The following CADM2 variants were observed in gnomAD, a reference collection of about 807,000 sequenced individuals.
CADM2 encodes the protein immunoglobulin superfamily member 4D.
A neutral mutation model predicts 49.8 loss-of-function variants in CADM2; 12 were observed. The observed-to-expected ratio is 0.24, with a 90% CI of 0.15 to 0.39. The LOEUF is 0.39. Ranked by LOEUF, CADM2 falls within the 10% of genes least tolerant of loss-of-function variation. The pLI is 1.00. For missense variants in CADM2, 378 were observed against 492.3 expected, an observed-to-expected ratio of 0.77 and a Z score of 2.20; for synonymous variants, 214 against 175.4, an observed-to-expected ratio of 1.22 and a Z score of -1.74.
chr3:85,527,848 C>T (rs561022184), intron 1 of CADM2, among the ~76,000 whole-genome samples: 10 of 152,254 alleles, frequency 6.6e-5, no homozygotes, highest in Admixed American at 3.9e-4. Flanking sequence ...ATCATTATAA[C>T]GAGGATTGCA....
At chr3:85,023,190 C>T (rs2034583078) in intron 1 of CADM2, among the ~76,000 whole-genome samples, 1 of 152,030 alleles carries the variant, frequency 6.6e-6, no homozygotes, top group African/African-American at 2.4e-5. Context: ...AAAGATTTTA[C>T]TTATACTTAG....
intron 8 of CADM2, among the ~76,000 whole-genome samples, chr3:85,977,914 G>A (rs1459151821): frequency 6.6e-6 from 1 of 151,470 alleles, no homozygotes; most frequent in Non-Finnish European, 1.5e-5. Context: ...AAATTCAGCG[G>A]GTAGAGTCTA....
chr3:85,199,609 T>C (rs932020863), intron 1 of CADM2, among the ~76,000 whole-genome samples: 2 of 151,906 alleles, frequency 1.3e-5, no homozygotes, highest in African/African-American at 2.4e-5. Context: ...GCAAATTGAA[T>C]TTATAAATCT....
chr3:85,101,306 T>C lies in CADM2; in HGVS notation c.61+141638T>C, dbSNP rs574997434. Among the ~76,000 whole-genome samples, 143 of 152,192 alleles carry C rather than the reference T, an allele frequency of 9.4e-4. 2 individuals are homozygous for C. The highest frequency in any genetic ancestry group is 9.1e-3 in the Admixed American group (139 of 15,276). ...ATCAACTTACTAGTTAAATACTATC[T>C]TATGCTGTTAGCATTCTATTGCCAT... is the stretch of plus-strand genomic sequence containing the variant. On this transcript the variant is annotated intron_variant, in intron 1 of 9. Transcript: ENST00000383699.
chr3:85,015,762 T>C (rs908391899), intron 1 of CADM2, among the ~76,000 whole-genome samples: 17 of 152,170 alleles, frequency 1.1e-4, no homozygotes, highest in South Asian at 8.3e-4. Flanking sequence ...GACACATTTA[T>C]GAATGAAGGC....
At chr3:85,308,356 A>G (rs1197655060) in intron 1 of CADM2, among the ~76,000 whole-genome samples, 2 of 149,658 alleles carry the variant, frequency 1.3e-5, no homozygotes, top group African/African-American at 2.5e-5. Context: ...TCCATGTTAC[A>G]AGCCTATAAA....
chr3:85,499,300 G>A (rs1052810721), intron 1 of CADM2, among the ~76,000 whole-genome samples: 30 of 151,964 alleles, frequency 2.0e-4, no homozygotes, highest in African/African-American at 3.9e-4. Context: ...ACAATGTTTC[G>A]TTTTTCAGTC....
At chr3:85,211,984 A>C (rs1364359273) in intron 1 of CADM2, among the ~76,000 whole-genome samples, 2 of 152,046 alleles carry the variant, frequency 1.3e-5, no homozygotes, top group Non-Finnish European at 2.9e-5. Flanking sequence ...TATATCTACA[A>C]CTGTCATATC....
At chr3:85,843,311 T>C (rs1041702718) in intron 3 of CADM2, among the ~76,000 whole-genome samples, 2 of 152,108 alleles carry the variant, frequency 1.3e-5, no homozygotes, top group African/African-American at 2.4e-5. Flanking sequence ...CATCGTCATC[T>C]AACCCCAGCC....
At chr3:85,456,821 A>G (rs1445695880) in intron 1 of CADM2, among the ~76,000 whole-genome samples, 2 of 146,792 alleles carry the variant, frequency 1.4e-5, no homozygotes, top group Non-Finnish European at 3.0e-5. Context: ...AAAAACAACT[A>G]TGTGTTTTTT....
chr3:85,138,461 T>A (rs1490167020), intron 1 of CADM2, among the ~76,000 whole-genome samples: 1 of 152,140 alleles, frequency 6.6e-6, no homozygotes, highest in Non-Finnish European at 1.5e-5. Context: ...ACTTAGATAT[T>A]TAGAACCAAT....
chr3:85,738,171 GATTCAC>G (rs2068225321), intron 2 of CADM2, among the ~76,000 whole-genome samples: 1 of 35,230 alleles, frequency 2.8e-5, no homozygotes, highest in Non-Finnish European at 4.7e-5. Flanking sequence ...TATTCACAAT[GATTCAC>G]AATGGCATAG....
At chr3:85,425,286 G>C (rs1477014279) in intron 1 of CADM2, among the ~76,000 whole-genome samples, 3 of 152,156 alleles carry the variant, frequency 2.0e-5, no homozygotes, top group Non-Finnish European at 4.4e-5. Flanking sequence ...GAACGGTAAT[G>C]GTTAGTCAAA....
intron 3 of CADM2, among the ~76,000 whole-genome samples, chr3:85,840,300 G>GA (rs896332198): frequency 7.9e-5 from 12 of 151,398 alleles, no homozygotes; most frequent in Admixed American, 2.0e-4. Context: ...TCCATTTTTA[G>GA]AAAAAAATGA....
At chr3:84,969,124 G>A (rs1298101827) in intron 1 of CADM2, among the ~76,000 whole-genome samples, 1 of 151,936 alleles carries the variant, frequency 6.6e-6, no homozygotes, top group Non-Finnish European at 1.5e-5. Flanking sequence ...GAGTGCATTT[G>A]TCTTAATTGT....
chr3:85,649,723 A>G (rs1016905406), intron 1 of CADM2, among the ~76,000 whole-genome samples: 2 of 152,136 alleles, frequency 1.3e-5, no homozygotes, highest in African/African-American at 4.8e-5. Flanking sequence ...GAGTTCAGCC[A>G]TTGGTGTAAC....
intron 1 of CADM2, among the ~76,000 whole-genome samples, chr3:85,242,743 C>A (rs2042559248): frequency 6.6e-6 from 1 of 151,722 alleles, no homozygotes; most frequent in Non-Finnish European, 1.5e-5. Context: ...TCAGGTCTGA[C>A]AATTCAAATA....
chr3:85,824,058 T>A (rs1157093783), intron 3 of CADM2, among the ~76,000 whole-genome samples: 2 of 152,188 alleles, frequency 1.3e-5, no homozygotes, highest in African/African-American at 4.8e-5. Flanking sequence ...TGCATTTCGC[T>A]GTTGTAATTT....
At chr3:85,592,402 C>T (rs2063131274) in intron 1 of CADM2, among the ~76,000 whole-genome samples, 1 of 151,878 alleles carries the variant, frequency 6.6e-6, no homozygotes, top group Admixed American at 6.6e-5. Flanking sequence ...CAGTTTGGCT[C>T]CTTAACACCA....
Sources: gnomAD v4.1 joint callset for allele counts (sites outside exome capture counted in the v4.1 genomes callset) on GRCh38, gnomAD v4.1.1 for gene constraint, MANE v1.5 for transcripts, NCBI Gene and HGNC (gene_info 2026-07-23, HGNC 2026-07-21) for gene names.